ADRA1B: variants seen among roughly 807,000 people sequenced by gnomAD.
ADRA1B encodes adrenoceptor alpha 1B, also known as alpha-1B adrenergic receptor.
Under a neutral mutation model 17.9 loss-of-function variants are expected in ADRA1B, and 17 were observed. The observed-to-expected ratio is 0.95, with a 90% CI of 0.65 to 1.42. The LOEUF is 1.42. Among genes scored for constraint, ADRA1B ranks in the 40% most tolerant of loss-of-function variants. The pLI is 0.00. For synonymous variants in ADRA1B, 366 were observed against 327.6 expected (o/e 1.12, Z -1.27); for missense variants, 681 against 722.1 (o/e 0.94, Z 0.65).
intron 1 of ADRA1B, among the ~76,000 whole-genome samples, chr5:159,907,872 C>T (rs956146268): frequency 2.6e-5 from 4 of 152,026 alleles, no homozygotes; most frequent in African/African-American, 7.2e-5. Flanking sequence ...TAATAAGCTA[C>T]TTCCTTAGGG....
chr5:159,939,354 T>C (rs1275840220), intron 1 of ADRA1B, among the ~76,000 whole-genome samples: 1 of 149,012 alleles, frequency 6.7e-6, no homozygotes, highest in East Asian at 2.0e-4. Context: ...GCACTGAGGA[T>C]AGTTCAGCCC....
chr5:159,987,953 G>A, the ADRA1B span, among the ~76,000 whole-genome samples: 1 of 152,052 alleles, frequency 6.6e-6, no homozygotes, highest in East Asian at 1.9e-4. Context: ...CCCAAAATAT[G>A]TTCACATCCT....
At chr5:159,940,113 C>T (rs551045627) in intron 1 of ADRA1B, among the ~76,000 whole-genome samples, 29 of 152,294 alleles carry the variant, frequency 1.9e-4, no homozygotes, top group African/African-American at 6.7e-4. Flanking sequence ...AGATCGATTC[C>T]AATGTCACTT....
At chr5:159,912,110 C>G (rs1754232633), upstream of ADRA1B, among the ~76,000 whole-genome samples, 2 of 152,224 alleles carry the variant, frequency 1.3e-5, no homozygotes, top group African/African-American at 4.8e-5. Flanking sequence ...TAACTCCTAA[C>G]AGATAGTATT....
intron 1 of ADRA1B, among the ~76,000 whole-genome samples, chr5:159,881,186 A>G (rs1275594449): frequency 7.9e-6 from 1 of 125,956 alleles, no homozygotes; most frequent in East Asian, 2.0e-4. Context: ...GTCTCAAAAA[A>G]AAAAAAAAAA....
rs1022587987 is a variant in ADRA1B, at chr5:159,972,476, C to T, written c.1547C>T (p.Ala516Val). The T allele has an allele frequency of 7.5e-5, 107 of 1,432,890 alleles. No individual in the cohort carries two copies. Among genetic ancestry groups the T allele is most frequent in the Non-Finnish European group, 9.4e-5 (102 of 1,088,090 alleles). 88.8% of individuals were successfully genotyped at this position (1,432,890 alleles called of 1,614,324 possible). A position where few individuals can be genotyped will look rare whatever the true frequency, so the allele number is the denominator to read the frequency against. The change falls in exon 2 of 2, where the codon GCG becomes GTG. Residue 516 changes from alanine to valine, a missense_variant. Physicochemically the swap from Ala to Val is moderately conservative, Grantham distance 64. Around this residue, in one of 3 missense-constraint regions of ADRA1B, gnomAD observed 251 missense variants for 224.9 expected, o/e 1.12. Coordinates refer to ENST00000306675, the MANE Select transcript of ADRA1B (RefSeq NM_000679.4). ...QPGFKSNMPL[A>V]PGQF ...GGCTTCAAAAGCAACATGCCCCTGG[C>T]GCCCGGGCAGTTTTAGGGCCCCCGT... is the stretch of plus-strand genomic sequence containing the variant.
intron 1 of ADRA1B, among the ~76,000 whole-genome samples, chr5:159,899,899 C>T (rs146697188): frequency 1.3e-4 from 20 of 152,224 alleles, no homozygotes; most frequent in Non-Finnish European, 2.6e-4. Context: ...TTCCCAGAAT[C>T]TCTGCCAAGA....
intron 1 of ADRA1B, among the ~76,000 whole-genome samples, chr5:159,885,730 A>C (rs1233342426): frequency 1.3e-5 from 2 of 152,190 alleles, no homozygotes; most frequent in Non-Finnish European, 2.9e-5. Flanking sequence ...AAATAAAGCT[A>C]TTACACATTC....
chr5:159,897,484 TAA>T (rs879349805), intron 1 of ADRA1B, among the ~76,000 whole-genome samples: 1 of 141,326 alleles, frequency 7.1e-6, no homozygotes. Context: ...AGACTCCATC[TAA>T]AAAAAAAAAA....
chr5:159,989,160 GT>G, the ADRA1B span, among the ~76,000 whole-genome samples: 2 of 151,998 alleles, frequency 1.3e-5, no homozygotes, highest in Non-Finnish European at 2.9e-5. Flanking sequence ...CTGGTGTTTG[GT>G]TTTTTTGTTT....
intron 1 of ADRA1B, among the ~76,000 whole-genome samples, chr5:159,960,506 C>T (rs1168119588): frequency 6.6e-6 from 1 of 152,148 alleles, no homozygotes; most frequent in African/African-American, 2.4e-5. Context: ...AATTGTAATG[C>T]GGGCTAAGGC....
chr5:159,965,078 CTGAGCAGGTCCT>C lies in ADRA1B; in HGVS notation c.950-6799_950-6788del, dbSNP rs1287343960. On this transcript the variant is annotated intron_variant, in intron 1 of 1. Coordinates refer to ENST00000306675, the MANE Select transcript of ADRA1B (RefSeq NM_000679.4). ...ACCCAGATCTACCTACCTGTGATGT[CTGAGCAGGTCCT>C]TAACCACTAAACTCCACTGCCTCAA... Among the ~76,000 whole-genome samples, 1,085 of 152,344 alleles carry C rather than the reference CTGAGCAGGTCCT, an allele frequency of 7.1e-3. 13 individuals carry two copies. The highest frequency in any genetic ancestry group is 0.025 in the African/African-American group (1,028 of 41,580).
intron 1 of ADRA1B, among the ~76,000 whole-genome samples, chr5:159,898,518 A>G (rs914034498): frequency 1.4e-4 from 22 of 152,258 alleles, no homozygotes; most frequent in Non-Finnish European, 2.2e-4. Context: ...TTGAGAATAC[A>G]TTAGAGGCTG....
chr5:159,956,634 A>G (rs1755554665), intron 1 of ADRA1B, among the ~76,000 whole-genome samples: 1 of 152,182 alleles, frequency 6.6e-6, no homozygotes, highest in African/African-American at 2.4e-5. Context: ...GCAATTTTTT[A>G]TACTGTCATC....
chr5:159,887,716 C>G (rs2113098198), intron 1 of ADRA1B, among the ~76,000 whole-genome samples: 1 of 152,324 alleles, frequency 6.6e-6, no homozygotes, highest in Non-Finnish European at 1.5e-5. Context: ...TTTTAAGCCA[C>G]TTTGAGCTGG....
At chr5:159,872,550 A>G (rs1753757490) in intron 1 of ADRA1B, among the ~76,000 whole-genome samples, 1 of 152,216 alleles carries the variant, frequency 6.6e-6, no homozygotes. Context: ...GTGATTGCCT[A>G]GAGTCATGCA....
At chr5:159,866,377 A>G (rs898636696) in intron 1 of ADRA1B, among the ~76,000 whole-genome samples, 7 of 151,768 alleles carry the variant, frequency 4.6e-5, no homozygotes, top group East Asian at 1.9e-4. Context: ...ACCTGATGTC[A>G]GGAGTTTGAG....
rs549047294 is a variant in ADRA1B at position 159,962,961 on chromosome 5, G to A, written c.950-8918G>A. 6.3e-5 allele frequency among the ~76,000 whole-genome samples: 6 copies of A among 95,984 alleles called. No individual in the cohort carries two copies. In the East Asian group the frequency reaches 9.2e-4, roughly 15 times the overall value. 63.0% of individuals were successfully genotyped at this position (95,984 alleles called of 152,430 possible). A position where few individuals can be genotyped will look rare whatever the true frequency, so the allele number is the denominator to read the frequency against. On this transcript the variant is annotated intron_variant, in intron 1 of 1. Transcript: ENST00000306675. ...TTTTTTTTTTTTTTTTTGAAACAACGTCTATGTTGCCCAGGTTGTTCTCAA... is the reference window on the plus strand; with the variant it reads ...TTTTTTTTTTTTTTTTTGAAACAACATCTATGTTGCCCAGGTTGTTCTCAA...
the ADRA1B span, among the ~76,000 whole-genome samples, chr5:159,986,864 C>T: frequency 6.6e-6 from 1 of 152,190 alleles, no homozygotes; most frequent in East Asian, 1.9e-4. Context: ...TTTACTCCCC[C>T]CTCAACGGCG....
Sources: allele counts gnomAD v4.1 joint callset (sites outside exome capture counted in the v4.1 genomes callset), GRCh38; gene constraint gnomAD v4.1.1; regional missense constraint gnomAD v4.1.1; transcripts MANE v1.5; gene names NCBI Gene and HGNC (gene_info 2026-07-23, HGNC 2026-07-21).